Variants in GRM4 observed in about 807,000 individuals in gnomAD.
GRM4 encodes metabotropic glutamate receptor 4.
GRM4 carries 28 observed loss-of-function variants against 81.7 expected under a neutral mutation model. The ratio of observed to expected loss-of-function variants is 0.34; its 90% CI spans 0.25 to 0.47. GRM4 has a LOEUF of 0.47. Ranked by LOEUF, GRM4 falls within the 20% of genes least tolerant of loss-of-function variation. The pLI, the probability that GRM4 is intolerant of heterozygous loss-of-function variation, is 1.00. For missense variants in GRM4, 948 were observed against 1,290.0 expected, an observed-to-expected ratio of 0.73 and a Z score of 4.06; for synonymous variants, 488 against 528.8, an observed-to-expected ratio of 0.92 and a Z score of 1.06.
At chr6:34,120,216 C>A (rs1769754867) in intron 2 of GRM4, among the ~76,000 whole-genome samples, 1 of 150,358 alleles carries the variant, frequency 6.7e-6, no homozygotes, top group African/African-American at 2.5e-5. Context: ...AGAAACCCAT[C>A]TTTGAAGGAG....
chr6:34,060,526 A>G (rs1218345578), intron 4 of GRM4: 2 of 152,258 alleles, frequency 1.3e-5, no homozygotes, highest in Admixed American at 6.5e-5. Flanking sequence ...TCGCTGGGAC[A>G]AAAGGCCAAG....
intron 6 of GRM4, among the ~76,000 whole-genome samples, chr6:34,044,283 CA>C (rs1765182240): frequency 6.6e-6 from 1 of 151,488 alleles, no homozygotes; most frequent in South Asian, 2.1e-4. Context: ...CACATACACA[CA>C]CACATAGACA....
rs1361329696 is a variant in GRM4 at position 34,021,365 on chromosome 6, CT to C, written c.*1455del. On this transcript the variant is annotated 3_prime_UTR_variant, in exon 11 of 11. Coordinates refer to ENST00000538487, the MANE Select transcript of GRM4 (RefSeq NM_000841.4). This position sits in a 1 kb window ranked among gnomAD's most constrained non-coding sequence, Gnocchi z 5.3. ...GATCTCCAGGACAGACACACATCTT[CT>C]TAGCACCCGAGCCTGGAGCCAACAC... The C allele has an allele frequency of 1.3e-5, 2 of 152,110 alleles. No individual in the cohort carries two copies. The highest frequency in any genetic ancestry group is 4.8e-5 in the African/African-American group (2 of 41,392). The allele number at this position is 152,110 out of a possible 1,614,324, so 9.4% of individuals were successfully genotyped here. A position where few individuals can be genotyped will look rare whatever the true frequency, so the allele number is the denominator to read the frequency against.
chr6:34,034,505 C>T lies in GRM4; in HGVS notation c.2442+1163G>A, dbSNP rs1164166873. Among the ~76,000 whole-genome samples, 7 of 152,210 alleles carry T rather than the reference C, an allele frequency of 4.6e-5. No individual in the cohort carries two copies. Among genetic ancestry groups the T allele is most frequent in the African/African-American group, 1.7e-4 (7 of 41,444 alleles). On this transcript the variant is annotated intron_variant, in intron 9 of 10. Transcript: ENST00000538487. This position sits in a 1 kb window ranked among gnomAD's most constrained non-coding sequence, Gnocchi z 4.0. ...TTTTCAACCTACATCAGATAGCACC[C>T]TCACCTGCTCAGAAGCCTGCAGCGG...
chr6:34,037,381 G>T (rs1398815969), intron 8 of GRM4, among the ~76,000 whole-genome samples: 1 of 152,176 alleles, frequency 6.6e-6, no homozygotes, highest in Non-Finnish European at 1.5e-5. Flanking sequence ...AAGAGTCTCA[G>T]GCATCAGGCA....
rs961183445 is a variant in GRM4 at position 34,034,605 on chromosome 6, C to T, written c.2442+1063G>A. 6.6e-6 allele frequency among the ~76,000 whole-genome samples: 1 copy of T among 152,242 alleles called. No individual in the cohort carries two copies. Among genetic ancestry groups the T allele is most frequent in the Non-Finnish European group, 1.5e-5 (1 of 68,042 alleles). On this transcript the variant is annotated intron_variant, in intron 9 of 10. Transcript: ENST00000538487. This position sits in a 1 kb window ranked among gnomAD's most constrained non-coding sequence, Gnocchi z 4.0. The stretch of plus-strand genomic sequence containing the variant: ...CTGTCACCTCTCTGATCTCGTTCCC[C>T]ACTCCTCTGGCTTCCTCAGCTCCAC...
intron 2 of GRM4, chr6:34,110,959 C>T: frequency 1.3e-6 from 1 of 794,746 alleles, no homozygotes; most frequent in Non-Finnish European, 1.7e-6. Context: ...ACGCTGTGCC[C>T]CACAGACTGC....
chr6:34,123,289 G>A (rs1222113889), intron 2 of GRM4, among the ~76,000 whole-genome samples: 1 of 152,172 alleles, frequency 6.6e-6, no homozygotes, highest in Non-Finnish European at 1.5e-5. Flanking sequence ...CCCCATGCAA[G>A]GAGGCTCTGG....
Position 34,089,726 on chromosome 6 carries a change from G to T in GRM4, c.736+2157C>A, listed in dbSNP as rs1338829062. On this transcript the variant is annotated intron_variant, in intron 3 of 10. Coordinates refer to ENST00000538487, the MANE Select transcript of GRM4 (RefSeq NM_000841.4). This position sits in a 1 kb window ranked among gnomAD's most constrained non-coding sequence, Gnocchi z 4.3. ...TGAGTAGACTTTATTTTTTCTAACC[G>T]CCCAATACTTGATTAGATGTTGATA... is the stretch of plus-strand genomic sequence containing the variant. Among the ~76,000 whole-genome samples the T allele has an allele frequency of 1.3e-5, 2 of 151,750 alleles. No individual in the cohort carries two copies. Among genetic ancestry groups the T allele is most frequent in the African/African-American group, 2.4e-5 (1 of 41,264 alleles).
At chr6:34,073,283 AC>A (rs1187197084) in intron 3 of GRM4, among the ~76,000 whole-genome samples, 9 of 3,172 alleles carry the variant, frequency 2.8e-3, no homozygotes, top group South Asian at 6.9e-3. Flanking sequence ...CCACACAGAT[AC>A]CACACACACA....
upstream of GRM4, among the ~76,000 whole-genome samples, chr6:34,147,999 C>T (rs1238645503): frequency 6.6e-6 from 1 of 151,992 alleles, no homozygotes; most frequent in African/African-American, 2.4e-5. Flanking sequence ...GCCACTCTCC[C>T]CACCCCCTGC....
intron 2 of GRM4, chr6:34,103,575 A>C (rs1768956988): frequency 6.5e-7 from 1 of 1,528,314 alleles, no homozygotes; most frequent in South Asian, 1.2e-5. Flanking sequence ...AATAAATTAT[A>C]CTCACTTTTG....
In GRM4 at chr6:34,040,639, G is replaced by C. The variant is rs1471735778; in HGVS notation, c.1278C>G (p.Asp426Glu). The C allele has an allele frequency of 6.2e-7, 1 of 1,614,144 alleles. No homozygotes were observed. Among genetic ancestry groups the C allele is most frequent in the Non-Finnish European group, 8.5e-7 (1 of 1,179,982 alleles). Residue 426 changes from aspartate (D) to glutamate (E), a missense_variant, in exon 7 of 11, where the codon GAC becomes GAG. Asp to Glu is a conservative substitution (Grantham distance 45). Coordinates refer to ENST00000538487, the MANE Select transcript of GRM4 (RefSeq NM_000841.4). Reference sequence around the variant, plus strand: ...AGAGCCCCACGCGGCCGGGACACAGGTCACGGTGCATGGCGTGCAGCGCGT... The same window carrying C: ...AGAGCCCCACGCGGCCGGGACACAGCTCACGGTGCATGGCGTGCAGCGCGT... ...MGHALHAMHR[D>E]LCPGRVGLCP... is the part of the protein sequence containing the mutation.
chr6:34,079,935 T>A (rs897030648), intron 3 of GRM4, among the ~76,000 whole-genome samples: 2 of 151,688 alleles, frequency 1.3e-5, no homozygotes, highest in East Asian at 3.9e-4. Flanking sequence ...ATCTCGACCC[T>A]CCTCTGCTCC....
At chr6:34,137,687 G>A (rs1439022369) in intron 1 of GRM4, among the ~76,000 whole-genome samples, 5 of 151,338 alleles carry the variant, frequency 3.3e-5, no homozygotes, top group African/African-American at 7.3e-5. Context: ...AGGCTCAAGC[G>A]ATCCTCCTAC....
intron 1 of GRM4, among the ~76,000 whole-genome samples, chr6:34,145,156 C>G (rs940333657): frequency 1.1e-4 from 17 of 152,066 alleles, no homozygotes; most frequent in African/African-American, 3.4e-4. Context: ...GGGGCGCAGG[C>G]AGTCGACGGC....
upstream of GRM4, among the ~76,000 whole-genome samples, chr6:34,148,861 G>A (rs151022257): frequency 2.3e-3 from 354 of 152,310 alleles, 1 homozygote; most frequent in East Asian, 0.019. Flanking sequence ...CCTGCTACTC[G>A]TGGAGTAAGC....
intron 4 of GRM4, 187 bp downstream of exon 4, chr6:34,061,706 C>T (rs1581635298): frequency 3.5e-6 from 2 of 565,608 alleles, no homozygotes; most frequent in East Asian, 5.7e-5. Context: ...AAGGAGTGCC[C>T]CATAGCAGTA....
chr6:34,133,407 G>A lies in GRM4; in HGVS notation c.90C>T (p.Ser30=). The change falls in exon 2 of 11, where the codon TCC becomes TCT. Residue 30 remains serine, a synonymous_variant. Coordinates refer to ENST00000538487, the MANE Select transcript of GRM4 (RefSeq NM_000841.4). The surrounding 1 kb of genome is among the most constrained non-coding windows in gnomAD (Gnocchi z 6.5). ...LSLYGPWMPS[S]LGKPKGHPHM... Reference sequence around the variant, plus strand: ...GAGGGTGGCCTTTGGGCTTTCCCAGGGAGGAAGGCATCCAGGGGCCGTAAA... The same window carrying A: ...GAGGGTGGCCTTTGGGCTTTCCCAGAGAGGAAGGCATCCAGGGGCCGTAAA... 1 of 1,613,410 alleles carries A rather than the reference G, an allele frequency of 6.2e-7. No individual in the cohort carries two copies. Among genetic ancestry groups the A allele is most frequent in the Non-Finnish European group, 8.5e-7 (1 of 1,179,828 alleles).
Sources: allele counts gnomAD v4.1 joint callset (sites outside exome capture counted in the v4.1 genomes callset), GRCh38; gene constraint gnomAD v4.1.1; non-coding constraint Gnocchi (gnomAD v3.1); transcripts MANE v1.5; gene names NCBI Gene and HGNC (gene_info 2026-07-23, HGNC 2026-07-21).